KALRN: variants seen among roughly 807,000 people sequenced by gnomAD.
KALRN encodes kalirin.
KALRN carries 70 observed loss-of-function variants against 353.7 expected under a neutral mutation model. That is an observed-to-expected ratio of 0.20 (90% CI 0.16 to 0.24). The LOEUF (loss-of-function observed/expected upper bound fraction) is 0.24. Ranked by LOEUF, KALRN falls within the 10% of genes least tolerant of loss-of-function variation. The pLI is 1.00. For missense variants in KALRN, 2,791 were observed against 3,756.7 expected, an observed-to-expected ratio of 0.74 and a Z score of 6.72; for synonymous variants, 1,391 against 1,434.8, an observed-to-expected ratio of 0.97 and a Z score of 0.69.
chr3:124,453,954 A>AT (rs1365154365), intron 21 of KALRN, among the ~76,000 whole-genome samples: 2 of 152,230 alleles, frequency 1.3e-5, no homozygotes, highest in Admixed American at 6.5e-5. Context: ...TGAAATGAAG[A>AT]TTTTTTTCCT....
intron 1 of KALRN, 90 bp from the exon 2 acceptor site, chr3:124,227,900 A>T: frequency 2.9e-6 from 3 of 1,024,120 alleles, no homozygotes; most frequent in Middle Eastern, 2.2e-4. Context: ...TTGCCGGCTG[A>T]TGATGGGATT....
chr3:124,148,886 G>A (rs2067716230), intron 1 of KALRN, among the ~76,000 whole-genome samples: 1 of 152,082 alleles, frequency 6.6e-6, no homozygotes, highest in South Asian at 2.1e-4. Context: ...TGTTTTAAAA[G>A]CTCACAGAAA....
intron 10 of KALRN, among the ~76,000 whole-genome samples, chr3:124,348,092 C>A (rs1330544007): frequency 7.2e-5 from 11 of 152,156 alleles, no homozygotes; most frequent in Admixed American, 2.6e-4. Flanking sequence ...AGATGAAATA[C>A]TGCTCTCCAG....
chr3:124,402,167 A>C (rs2090954756), intron 13 of KALRN, among the ~76,000 whole-genome samples: 1 of 152,254 alleles, frequency 6.6e-6, no homozygotes, highest in Non-Finnish European at 1.5e-5. Context: ...TAATGTAATC[A>C]TTAGGATAGC....
chr3:124,273,280 C>T (rs992368917), intron 5 of KALRN, among the ~76,000 whole-genome samples: 1 of 152,176 alleles, frequency 6.6e-6, no homozygotes, highest in Non-Finnish European at 1.5e-5. Context: ...GGGAGTAGGG[C>T]CTCTGTTCCA....
In KALRN at chr3:124,101,295, G is replaced by A. The variant is rs562133180; in HGVS notation, c.73+67482G>A. ...GTAGGGATGGTGGTCTGTCACTGTA[G>A]ATGTCAAAAACCTTTCCTTCCTTGG... On this transcript the variant is annotated intron_variant, in intron 1 of 59. Coordinates refer to ENST00000682506, the MANE Select transcript of KALRN (RefSeq NM_001388419.1). Among the ~76,000 whole-genome samples the A allele has an allele frequency of 3.3e-5, 5 of 152,300 alleles. No individual in the cohort carries two copies. In the South Asian group the frequency reaches 1.0e-3, roughly 32 times the overall value.
chr3:124,344,120 G>A (rs1162378444), intron 9 of KALRN, among the ~76,000 whole-genome samples: 1 of 152,184 alleles, frequency 6.6e-6, no homozygotes, highest in African/African-American at 2.4e-5. Flanking sequence ...TAGATGAAGA[G>A]AAATTATTCA....
chr3:124,142,199 T>G (rs2066712777), intron 1 of KALRN, among the ~76,000 whole-genome samples: 1 of 152,182 alleles, frequency 6.6e-6, no homozygotes, highest in African/African-American at 2.4e-5. Flanking sequence ...TGTTTATGTC[T>G]CTCAACTTAG....
At chr3:124,525,460 A>C (rs1391111744) in intron 33 of KALRN, among the ~76,000 whole-genome samples, 1 of 152,116 alleles carries the variant, frequency 6.6e-6, no homozygotes, top group African/African-American at 2.4e-5. Flanking sequence ...GAGTAAAGGG[A>C]AGTACCAGGT....
chr3:124,610,018 C>A (rs1490939149), intron 34 of KALRN, among the ~76,000 whole-genome samples: 1 of 152,164 alleles, frequency 6.6e-6, no homozygotes, highest in African/African-American at 2.4e-5. Flanking sequence ...TTACTGAGCA[C>A]TTTCTATGAA....
chr3:124,562,958 G>A lies in KALRN; in HGVS notation c.5051G>A (p.Arg1684Gln), dbSNP rs752824553. ...TVELLERPSE[R>Q]PGWCLVRTTE... Reference sequence around the variant, plus strand: ...GAGCTGCTGGAGCGGCCCAGCGAGCGGCCTGGTTGGTGTCTGGTCCGTACC... The same window carrying A: ...GAGCTGCTGGAGCGGCCCAGCGAGCAGCCTGGTTGGTGTCTGGTCCGTACC... Residue 1684 changes from arginine (R) to glutamine (Q), a missense_variant, in exon 34 of 60, where the codon CGG becomes CAG. Transcript: ENST00000682506. 13 of 1,367,810 alleles carry A rather than the reference G, an allele frequency of 9.5e-6. No homozygotes were observed. Among genetic ancestry groups the A allele is most frequent in the South Asian group, 2.3e-5 (2 of 88,056 alleles). The allele number at this position is 1,367,810 out of a possible 1,614,324, so 84.7% of individuals were successfully genotyped here.
intron 5 of KALRN, among the ~76,000 whole-genome samples, chr3:124,277,744 T>C (rs916914138): frequency 2.6e-5 from 4 of 152,212 alleles, no homozygotes; most frequent in Non-Finnish European, 4.4e-5. Context: ...GGCATGAGGC[T>C]TGGCTCCCTT....
At chr3:124,493,209 G>T (rs894627684) in intron 32 of KALRN, among the ~76,000 whole-genome samples, 2 of 152,184 alleles carry the variant, frequency 1.3e-5, no homozygotes, top group African/African-American at 4.8e-5. Context: ...CACGTATAGG[G>T]ATCATAAATT....
intron 51 of KALRN, among the ~76,000 whole-genome samples, chr3:124,691,850 A>G (rs1450785234): frequency 6.6e-6 from 1 of 152,208 alleles, no homozygotes; most frequent in Non-Finnish European, 1.5e-5. Context: ...GTTTGAGTGG[A>G]GCAACCCTTT....
chr3:124,439,000 T>A lies in KALRN; in HGVS notation c.3161T>A (p.Ile1054Asn). Residue 1054 changes from isoleucine (I) to asparagine (N), a missense_variant, in exon 18 of 60, where the codon ATC (isoleucine) becomes AAC (asparagine). Ile to Asn is a moderately radical substitution (Grantham distance 149). Coordinates refer to ENST00000682506, the MANE Select transcript of KALRN (RefSeq NM_001388419.1). ...GAGATCGACCATGTCATTCCCCTCA[T>A]CAGCAAACATTTGGAACAAAAGGAG... Reference protein sequence around the residue: ...AAEIDHVIPLISKHLEQKEAF... With the variant: ...AAEIDHVIPLNSKHLEQKEAF... 1 of 1,614,090 alleles carries A rather than the reference T, an allele frequency of 6.2e-7. No individual in the cohort carries two copies. The highest frequency in any genetic ancestry group is 1.1e-5 in the South Asian group (1 of 91,066).
chr3:124,622,426 C>T (rs1250072973), intron 34 of KALRN, among the ~76,000 whole-genome samples: 1 of 152,140 alleles, frequency 6.6e-6, no homozygotes, highest in Non-Finnish European at 1.5e-5. Flanking sequence ...AGAAGACATG[C>T]CTTTGGGGTG....
intron 59 of KALRN, among the ~76,000 whole-genome samples, chr3:124,717,627 C>T (rs925143140): frequency 1.8e-4 from 27 of 151,340 alleles, no homozygotes; most frequent in Admixed American, 8.5e-4. Context: ...ACCTGGGAGG[C>T]GGAGCTTGCA....
At chr3:124,612,892 G>A (rs1298021401) in intron 34 of KALRN, among the ~76,000 whole-genome samples, 1 of 99,418 alleles carries the variant, frequency 1.0e-5, no homozygotes, top group African/African-American at 5.0e-5. Context: ...TATAAATCGA[G>A]CCTATGGGAT....
intron 33 of KALRN, among the ~76,000 whole-genome samples, chr3:124,552,986 G>A (rs1025697743): frequency 3.3e-5 from 5 of 152,090 alleles, no homozygotes; most frequent in Non-Finnish European, 5.9e-5. Flanking sequence ...GGCTGGTCTC[G>A]AACTCCTGAC....
Sources: gnomAD v4.1 joint callset for allele counts (sites outside exome capture counted in the v4.1 genomes callset) on GRCh38, gnomAD v4.1.1 for gene constraint, MANE v1.5 for transcripts, NCBI Gene and HGNC (gene_info 2026-07-23, HGNC 2026-07-21) for gene names.